Variants in DSN1 observed in about 807,000 individuals in gnomAD.
The protein encoded by DSN1 is DSN1 component of MIS12 kinetochore complex, also known as kinetochore-associated protein DSN1 homolog.
In DSN1, 31 loss-of-function variants were observed where a neutral mutation model predicts 45.7. That is an observed-to-expected ratio of 0.68 (90% CI 0.51 to 0.92). The LOEUF (loss-of-function observed/expected upper bound fraction) is 0.92. Ranked by LOEUF, DSN1 falls within the 40% of genes least tolerant of loss-of-function variation. DSN1 has a pLI of 0.00. For missense variants in DSN1, 394 were observed against 414.2 expected, an observed-to-expected ratio of 0.95 and a Z score of 0.42; for synonymous variants, 134 against 142.3, an observed-to-expected ratio of 0.94 and a Z score of 0.41.
chr20:36,755,370 C>G (rs764551235), intron 9 of DSN1, among the ~76,000 whole-genome samples: 5 of 152,012 alleles, frequency 3.3e-5, no homozygotes, highest in Non-Finnish European at 5.9e-5. Context: ...CTCCCTCAAA[C>G]GTCCTCATGG....
Position 36,758,120 on chromosome 20 carries a change from T to C in DSN1, c.692A>G (p.His231Arg), listed in dbSNP as rs1986774937. ...ERQTWDQLLL[H>R]YQQEAKEILS... ...TATCTCTTTAGCCTCCTGCTGGTAG[T>C]GAAGCAAGAGCTGATCCCAAGTCTG... Residue 231 changes from histidine (H) to arginine (R), a missense_variant, in exon 8 of 11, where the codon CAC (histidine) becomes CGC (arginine). Physicochemically the swap from His to Arg is conservative, Grantham distance 29. Transcript: ENST00000373750. The C allele has an allele frequency of 1.9e-6, 3 of 1,614,090 alleles. No individual in the cohort carries two copies. The highest frequency in any genetic ancestry group is 2.5e-6 in the Non-Finnish European group (3 of 1,179,980).
intron 8 of DSN1, among the ~76,000 whole-genome samples, chr20:36,757,688 T>C (rs1051104324): frequency 1.3e-5 from 2 of 152,202 alleles, no homozygotes; most frequent in Admixed American, 6.5e-5. Context: ...TTCATGTCTT[T>C]CTGTCTCCAA....
At chr20:36,759,609 G>C (rs547337327) in intron 6 of DSN1, among the ~76,000 whole-genome samples, 3 of 151,128 alleles carry the variant, frequency 2.0e-5, no homozygotes, top group Admixed American at 1.3e-4. Flanking sequence ...TCAGCCTCCC[G>C]AGTAGCTGGG....
At chr20:36,753,338 TAAAA>T (rs558345664) in intron 10 of DSN1, among the ~76,000 whole-genome samples, 1 of 103,898 alleles carries the variant, frequency 9.6e-6, no homozygotes. Context: ...AGACCCTGTC[TAAAA>T]AAAAAAAAAA....
Position 36,771,466 on chromosome 20 carries a change from G to A in DSN1, c.-8C>T. The A allele has an allele frequency of 6.2e-7, 1 of 1,613,390 alleles. No individual in the cohort carries two copies. Among genetic ancestry groups the A allele is most frequent in the Middle Eastern group, 1.7e-4 (1 of 6,060 alleles). Reference sequence around the variant, plus strand: ...TCTAGTCACTGAAGTCATCCTAGGTGGTAAACTCTGAAAATAGGAAAATGG... The same window carrying A: ...TCTAGTCACTGAAGTCATCCTAGGTAGTAAACTCTGAAAATAGGAAAATGG... On this transcript the variant is annotated 5_prime_UTR_variant, in exon 2 of 11. Transcript: ENST00000373750.
At chr20:36,767,413 C>A (rs867284645) in intron 4 of DSN1, among the ~76,000 whole-genome samples, 1 of 152,114 alleles carries the variant, frequency 6.6e-6, no homozygotes, top group Non-Finnish European at 1.5e-5. Flanking sequence ...TTAATTCACA[C>A]AAATTACCTG....
chr20:36,761,992 G>C (rs1055350386), intron 6 of DSN1, among the ~76,000 whole-genome samples: 13 of 151,416 alleles, frequency 8.6e-5, no homozygotes, highest in African/African-American at 3.2e-4. Context: ...CTGGGGTACA[G>C]AGCAAGACTC....
intron 1 of DSN1, among the ~76,000 whole-genome samples, chr20:36,772,165 C>T (rs1200239852): frequency 1.3e-5 from 2 of 152,122 alleles, no homozygotes; most frequent in South Asian, 4.1e-4. Context: ...CAGGCGTGAG[C>T]CACCACGCCC....
intron 5 of DSN1, 35 bp from the exon 6 acceptor site, chr20:36,762,583 G>T (rs1421816341): frequency 6.3e-7 from 1 of 1,581,030 alleles, no homozygotes; most frequent in Admixed American, 1.7e-5. Flanking sequence ...ATAAAATAAA[G>T]GAAATATACG....
At chr20:36,754,502 C>A (rs1383178423) in intron 10 of DSN1, among the ~76,000 whole-genome samples, 1 of 152,214 alleles carries the variant, frequency 6.6e-6, no homozygotes, top group African/African-American at 2.4e-5. Flanking sequence ...GTGGGTATTT[C>A]TTAAGTCTTG....
At chr20:36,766,970 G>A in intron 4 of DSN1, 129 bp from the exon 5 acceptor site, 1 of 557,164 alleles carries the variant, frequency 1.8e-6, no homozygotes. Context: ...TTACACATAA[G>A]ACTTTTCACA....
chr20:36,758,215 C>T, intron 7 of DSN1, 54 bp from the exon 8 acceptor site: 3 of 1,490,106 alleles, frequency 2.0e-6, no homozygotes, highest in Non-Finnish European at 2.8e-6. Context: ...TATTCTGAAT[C>T]ACTCACAGTA....
At chr20:36,758,418 A>T (rs752301173) in intron 7 of DSN1, 140 bp downstream of exon 7, 24 of 744,836 alleles carry the variant, frequency 3.2e-5, no homozygotes, top group Non-Finnish European at 5.2e-5. Flanking sequence ...AAAAATCTCA[A>T]TATGCAGCCT....
At chr20:36,772,620 T>TTG (rs2148289160) in intron 1 of DSN1, among the ~76,000 whole-genome samples, 1 of 152,344 alleles carries the variant, frequency 6.6e-6, no homozygotes, top group African/African-American at 2.4e-5. Context: ...TGCCGGGACT[T>TTG]TTCCAAAGTG....
chr20:36,764,475 G>A (rs886266620), intron 5 of DSN1, among the ~76,000 whole-genome samples: 2 of 152,060 alleles, frequency 1.3e-5, no homozygotes, highest in African/African-American at 2.4e-5. Context: ...TTCTGACCCT[G>A]GATAAGTGTA....
chr20:36,759,781 CT>C (rs1478326941), intron 6 of DSN1, among the ~76,000 whole-genome samples: 10 of 152,112 alleles, frequency 6.6e-5, no homozygotes, highest in African/African-American at 9.7e-5. Flanking sequence ...CTGTGCCGGG[CT>C]TGCACTAGGT....
In DSN1 at chr20:36,770,978, C is replaced by G. The variant is rs1987614256; in HGVS notation, c.250G>C (p.Glu84Gln). The change falls in exon 3 of 11, where the codon GAA (glutamate) becomes CAA (glutamine). Residue 84 changes from glutamate (E) to glutamine (Q), a missense_variant. Physicochemically the swap from Glu to Gln is conservative, Grantham distance 29 (BLOSUM62 2). Transcript: ENST00000373750. ...QSKSLHLSPQ[E>Q]QSASYQDRRQ... ...CTGTCTTGATAACTGGCAGATTGTT[C>G]TTGAGGAGACAAATGAAGGGACTTC... 1.9e-6 allele frequency: 3 copies of G among 1,614,182 alleles called. No individual in the cohort carries two copies. Among genetic ancestry groups the G allele is most frequent in the Non-Finnish European group, 1.7e-6 (2 of 1,180,036 alleles).
intron 6 of DSN1, among the ~76,000 whole-genome samples, chr20:36,760,489 A>T (rs1986918138): frequency 6.6e-6 from 1 of 152,198 alleles, no homozygotes; most frequent in Non-Finnish European, 1.5e-5. Flanking sequence ...ACCTCGCAAA[A>T]ACAAATTATT....
intron 4 of DSN1, among the ~76,000 whole-genome samples, chr20:36,767,757 C>T (rs111323880): frequency 0.026 from 3,928 of 152,106 alleles, 82 homozygotes; most frequent in Middle Eastern, 0.051. Flanking sequence ...CAAAAATTAG[C>T]GGGGCGTGGT....
Sources: gnomAD v4.1 joint callset for allele counts (sites outside exome capture counted in the v4.1 genomes callset) on GRCh38, gnomAD v4.1.1 for gene constraint, MANE v1.5 for transcripts, NCBI Gene and HGNC (gene_info 2026-07-23, HGNC 2026-07-21) for gene names.